Variants in BICRA observed in about 807,000 individuals in gnomAD.
BICRA encodes the protein BRD4 interacting chromatin remodeling complex associated protein.
BICRA carries 31 observed loss-of-function variants against 96.9 expected under a neutral mutation model. The observed-to-expected ratio is 0.32, with a 90% confidence interval of 0.24 to 0.43. The LOEUF is 0.43. Ranked by LOEUF, BICRA falls within the 20% of genes least tolerant of loss-of-function variation. The probability of loss-of-function intolerance (pLI) is 1.00; values close to 1 mark genes in which losing one functional copy is unlikely to be tolerated. For synonymous variants in BICRA, 1,350 were observed against 1,071.8 expected (o/e 1.26, Z -5.07); for missense variants, 2,283 against 2,190.3 (o/e 1.04, Z -0.84).
In BICRA at chr19:47,631,841, G is replaced by A. The variant is rs143794981; in HGVS notation, c.-108+22673G>A. Among the ~76,000 whole-genome samples, 1,385 of 152,104 alleles carry A rather than the reference G, an allele frequency of 9.1e-3. 10 individuals carry two copies. Among genetic ancestry groups the A allele is most frequent in the Non-Finnish European group, 0.01 (703 of 67,988 alleles). On this transcript the variant is annotated intron_variant, in intron 1 of 14. Transcript: ENST00000594866. ...TTTTTGTATGCTTAGTAGAGACGGG[G>A]TTTCGCCATATTGGCCAGGCTGGTC...
At chr19:47,684,341 T>G (rs911085445) in intron 7 of BICRA, among the ~76,000 whole-genome samples, 2 of 152,092 alleles carry the variant, frequency 1.3e-5, no homozygotes, top group Admixed American at 1.3e-4. Context: ...GCCACCATGT[T>G]TGGCTAATTT....
chr19:47,615,082 C>G (rs149060462), intron 1 of BICRA, among the ~76,000 whole-genome samples: 4 of 152,184 alleles, frequency 2.6e-5, no homozygotes, highest in African/African-American at 9.7e-5. Flanking sequence ...TTCCTGGGCT[C>G]AAGTGAGCCT....
intron 1 of BICRA, among the ~76,000 whole-genome samples, chr19:47,611,962 C>G (rs1055011312): frequency 2.0e-5 from 3 of 151,818 alleles, no homozygotes; most frequent in African/African-American, 7.3e-5. Flanking sequence ...CCTCTGCCTC[C>G]CAGGTTCAAG....
At chr19:47,693,821 G>A (rs1007265308) in intron 7 of BICRA, among the ~76,000 whole-genome samples, 48 of 152,320 alleles carry the variant, frequency 3.2e-4, no homozygotes, top group African/African-American at 1.2e-3. Context: ...CTTTGTCTGG[G>A]GAACTGCGAG....
rs1973442587 is a variant in BICRA, at chr19:47,701,446, C to G, written c.3714C>G (p.Pro1238=). Residue 1238 remains proline, a synonymous_variant, in exon 15 of 15, where the codon CCC becomes CCG. Transcript: ENST00000594866. The surrounding 1 kb of genome is among the most constrained non-coding windows in gnomAD (Gnocchi z 5.4). ...CAGCTCCCGGGGCCTCCACCCAGCC[C>G]CCTCCACACCTGCCCACCAAGCTTG... ...SSSAPGASTQ[P]PPHLPTKLVI... 6.4e-7 allele frequency: 1 copy of G among 1,570,814 alleles called. No individual in the cohort carries two copies. Among genetic ancestry groups the G allele is most frequent in the Non-Finnish European group, 8.6e-7 (1 of 1,159,288 alleles).
intron 1 of BICRA, among the ~76,000 whole-genome samples, chr19:47,629,231 C>G (rs1972183960): frequency 6.6e-6 from 1 of 151,148 alleles, no homozygotes; most frequent in African/African-American, 2.4e-5. Flanking sequence ...TCTCAATCTC[C>G]TGACCTCATG....
At position 47,680,140 on chromosome 19, in the gene BICRA, C is replaced by T. The variant is rs1973012122; in HGVS notation, c.970C>T (p.Pro324Ser). ...SAPTGTPSGQ[P>S]LAVAPGLGSS... Reference sequence around the variant, plus strand: ...TCCCACCGGGACGCCCTCGGGACAGCCGCTGGCGGTGGCCCCAGGCCTCGG... The same window carrying T: ...TCCCACCGGGACGCCCTCGGGACAGTCGCTGGCGGTGGCCCCAGGCCTCGG... Residue 324 changes from proline to serine, a missense_variant, in exon 6 of 15, where the codon CCG (proline) becomes TCG (serine). Coordinates refer to ENST00000594866, the MANE Select transcript of BICRA (RefSeq NM_001394372.1). 3.9e-6 allele frequency: 6 copies of T among 1,524,708 alleles called. No individual in the cohort carries two copies. Among genetic ancestry groups the T allele is most frequent in the Non-Finnish European group, 5.2e-6 (6 of 1,145,926 alleles). 94.4% of individuals were successfully genotyped at this position (1,524,708 alleles called of 1,614,324 possible).
At chr19:47,681,832 T>C in intron 6 of BICRA, 144 bp from the exon 7 acceptor site, 1 of 638,452 alleles carries the variant, frequency 1.6e-6, no homozygotes, top group Non-Finnish European at 2.6e-6. Context: ...TTTCGGCCTC[T>C]GTGCCTGGCA....
chr19:47,681,410 C>A, intron 6 of BICRA, 134 bp downstream of exon 6: 1 of 802,026 alleles, frequency 1.2e-6, no homozygotes. Context: ...TCAGTCATGG[C>A]ACAGGTGGCC....
At chr19:47,667,210 G>A (rs1222147553) in intron 1 of BICRA, among the ~76,000 whole-genome samples, 3 of 152,058 alleles carry the variant, frequency 2.0e-5, no homozygotes, top group Non-Finnish European at 2.9e-5. Context: ...AGTAGAGACG[G>A]GGTTTCACCA....
intron 1 of BICRA, among the ~76,000 whole-genome samples, chr19:47,652,097 T>C (rs751288982): frequency 5.3e-5 from 8 of 152,208 alleles, no homozygotes; most frequent in Non-Finnish European, 7.3e-5. Flanking sequence ...TTTTTGCCTG[T>C]GTGGCATGTG....
intron 11 of BICRA, among the ~76,000 whole-genome samples, chr19:47,697,739 A>G (rs1368766828): frequency 6.6e-6 from 1 of 151,834 alleles, no homozygotes; most frequent in Non-Finnish European, 1.5e-5. Flanking sequence ...CAGCCTCCCA[A>G]AGTGCTGGGA....
Position 47,667,904 on chromosome 19 carries a change from G to A in BICRA, c.-107-2539G>A, listed in dbSNP as rs1203622473. Among the ~76,000 whole-genome samples, 9 of 152,160 alleles carry A rather than the reference G, an allele frequency of 5.9e-5. No homozygotes were observed. In the South Asian group the frequency reaches 1.0e-3, roughly 17 times the overall value. ...CGCCTGTTGGGTAGTGGTGAAGGGC[G>A]AGGCCTCTGCAGTGAGCCTGCCTGG... On this transcript the variant is annotated intron_variant, in intron 1 of 14. Transcript: ENST00000594866.
At chr19:47,608,293 G>A (rs890328400), upstream of BICRA, 2 of 152,230 alleles carry the variant, frequency 1.3e-5, no homozygotes, top group African/African-American at 4.8e-5. Flanking sequence ...GTGAGTGATC[G>A]AGCCACGCCT....
chr19:47,655,905 GCTGAAGTGC>G, intron 1 of BICRA, among the ~76,000 whole-genome samples: 1 of 151,600 alleles, frequency 6.6e-6, no homozygotes, highest in East Asian at 1.9e-4. Flanking sequence ...CCAGTTTAGT[GCTGAAGTGC>G]CGTCTAATGT....
At chr19:47,628,866 C>A (rs1972178387) in intron 1 of BICRA, among the ~76,000 whole-genome samples, 1 of 152,002 alleles carries the variant, frequency 6.6e-6, no homozygotes, top group African/African-American at 2.4e-5. Context: ...CCTCGGCCTC[C>A]CAAAGTACTG....
Position 47,651,778 on chromosome 19 carries a change from C to G in BICRA, c.-107-18665C>G, listed in dbSNP as rs148602306. Among the ~76,000 whole-genome samples, 995 of 152,320 alleles carry G rather than the reference C, an allele frequency of 6.5e-3. 7 individuals are homozygous for G. The highest frequency in any genetic ancestry group is 0.023 in the African/African-American group (943 of 41,574). ...AGGCAACGAGCACGAGAGGGTTGGG[C>G]AGACAATGCTGGTTCCAAGACCTAG... On this transcript the variant is annotated intron_variant, in intron 1 of 14. Transcript: ENST00000594866.
chr19:47,654,996 C>T (rs957979000), intron 1 of BICRA, among the ~76,000 whole-genome samples: 2 of 152,018 alleles, frequency 1.3e-5, no homozygotes, highest in Non-Finnish European at 2.9e-5. Flanking sequence ...TTCATCTAAT[C>T]GCCAACGCTT....
In BICRA at chr19:47,623,171, C is replaced by T. The variant is rs73943809; in HGVS notation, c.-108+14003C>T. On this transcript the variant is annotated intron_variant, in intron 1 of 14. Coordinates refer to ENST00000594866, the MANE Select transcript of BICRA (RefSeq NM_001394372.1). The stretch of plus-strand genomic sequence containing the variant: ...TATAAAATTCCCTTTTATTTTCATT[C>T]CCCTCCCCGTCAGCGACCTCCTGTG... 7.0e-3 allele frequency among the ~76,000 whole-genome samples: 1,060 copies of T among 152,046 alleles called. 20 individuals carry two copies. Among genetic ancestry groups the T allele is most frequent in the African/African-American group, 0.024 (990 of 41,482 alleles).
Sources: allele counts gnomAD v4.1 joint callset (sites outside exome capture counted in the v4.1 genomes callset), GRCh38; gene constraint gnomAD v4.1.1; non-coding constraint Gnocchi (gnomAD v3.1); transcripts MANE v1.5; gene names NCBI Gene and HGNC (gene_info 2026-07-23, HGNC 2026-07-21).